PCDHGB5: variants seen among roughly 807,000 people sequenced by gnomAD.
PCDHGB5 encodes protocadherin gamma subfamily B, 5, also known as protocadherin gamma-B5.
PCDHGB5 carries 48 observed loss-of-function variants against 62.9 expected under a neutral mutation model. That is an observed-to-expected ratio of 0.76 (90% CI 0.61 to 0.97). The LOEUF is 0.97. PCDHGB5 is among the 50% of genes least tolerant of loss of function. PCDHGB5 has a pLI of 0.00. For missense variants in PCDHGB5, 1,118 were observed against 1,198.6 expected (o/e 0.93, Z 0.99); for synonymous variants, 474 against 511.2 (o/e 0.93, Z 0.98).
chr5:141,507,478 C>T (rs933478897), intron 3 of PCDHGB5, among the ~76,000 whole-genome samples: 5 of 152,158 alleles, frequency 3.3e-5, no homozygotes, highest in African/African-American at 1.2e-4. Flanking sequence ...GGACTGCTGG[C>T]CTCCTGAGGC....
At chr5:141,435,877 G>A (rs1554127514) in intron 1 of PCDHGB5, among the ~76,000 whole-genome samples, 1 of 152,092 alleles carries the variant, frequency 6.6e-6, no homozygotes, top group Non-Finnish European at 1.5e-5. Flanking sequence ...AAAAGAGATT[G>A]GAAACCCCTT....
intron 1 of PCDHGB5, among the ~76,000 whole-genome samples, chr5:141,447,285 A>G (rs143024915): frequency 0.046 from 7,013 of 152,060 alleles, 241 homozygotes; most frequent in African/African-American, 0.093. Context: ...GACTACAGGC[A>G]CATGCCACCA....
At chr5:141,483,082 C>T (rs2099576709) in intron 1 of PCDHGB5, among the ~76,000 whole-genome samples, 1 of 151,662 alleles carries the variant, frequency 6.6e-6, no homozygotes, top group African/African-American at 2.4e-5. Flanking sequence ...GAGACTCCAT[C>T]TCAAAAAAAA....
At chr5:141,422,963 C>T (rs372620011) in intron 1 of PCDHGB5, 43 of 1,614,120 alleles carry the variant, frequency 2.7e-5, no homozygotes, top group Middle Eastern at 1.6e-4. Context: ...GTGGAGCTGG[C>T]GCCCCGCTCT....
chr5:141,433,993 T>C (rs1367687577), intron 1 of PCDHGB5, among the ~76,000 whole-genome samples: 1 of 152,216 alleles, frequency 6.6e-6, no homozygotes, highest in Admixed American at 6.5e-5. Flanking sequence ...GAGTTTTATA[T>C]TCTCTATATA....
At chr5:141,413,234 T>C (rs2095618811) in intron 1 of PCDHGB5, 2 of 1,613,838 alleles carry the variant, frequency 1.2e-6, no homozygotes, top group Non-Finnish European at 1.7e-6. Context: ...CTGGTCCTGC[T>C]CTGCCTTTTC....
rs762588918 is a variant in PCDHGB5, at chr5:141,400,319, C to G, written c.2192C>G (p.Ser731Cys). Residue 731 changes from serine to cysteine, a missense_variant, in exon 1 of 4, where the codon TCT becomes TGT. Coordinates refer to ENST00000617380, the MANE Select transcript of PCDHGB5 (RefSeq NM_018925.3). Reference protein sequence around the residue: ...SCFQPGLCVKSGPVVPPNYSQ... With the variant: ...SCFQPGLCVKCGPVVPPNYSQ... Reference sequence around the variant, plus strand: ...TTCCAACCTGGTCTCTGTGTCAAGTCTGGACCTGTGGTTCCCCCCAACTAC... The same window carrying G: ...TTCCAACCTGGTCTCTGTGTCAAGTGTGGACCTGTGGTTCCCCCCAACTAC... The G allele has an allele frequency of 6.2e-7, 1 of 1,613,974 alleles. No individual in the cohort carries two copies. Among genetic ancestry groups the G allele is most frequent in the African/African-American group, 1.3e-5 (1 of 74,954 alleles).
At chr5:141,504,378 C>T (rs2099837786) in intron 2 of PCDHGB5, among the ~76,000 whole-genome samples, 1 of 152,052 alleles carries the variant, frequency 6.6e-6, no homozygotes, top group Non-Finnish European at 1.5e-5. Flanking sequence ...CAGGTGGAGT[C>T]GCTGCCTCAC....
At chr5:141,407,276 T>C (rs1393118660) in intron 1 of PCDHGB5, among the ~76,000 whole-genome samples, 2 of 152,292 alleles carry the variant, frequency 1.3e-5, no homozygotes, top group East Asian at 3.9e-4. Context: ...AACAAGAAAA[T>C]TGTTACAATT....
chr5:141,414,415 C>A (rs769791452), intron 1 of PCDHGB5: 1 of 1,613,876 alleles, frequency 6.2e-7, no homozygotes, highest in Admixed American at 1.7e-5. Context: ...ACACAGAGCC[C>A]TTGACAGGGA....
At chr5:141,415,177 G>A (rs758980730) in intron 1 of PCDHGB5, 26 of 1,613,808 alleles carry the variant, frequency 1.6e-5, no homozygotes, top group East Asian at 4.5e-5. Flanking sequence ...CACCGTGGCC[G>A]TGGCCGACAG....
intron 1 of PCDHGB5, among the ~76,000 whole-genome samples, chr5:141,456,206 T>C (rs966457070): frequency 6.6e-6 from 1 of 152,098 alleles, no homozygotes; most frequent in African/African-American, 2.4e-5. Context: ...ACCACATTCC[T>C]CCCTGTGGCG....
chr5:141,490,088 ACCACAC>A lies in PCDHGB5; in HGVS notation c.2398-4718_2398-4713del. On this transcript the variant is annotated intron_variant, in intron 1 of 3. Transcript: ENST00000617380. The surrounding 1 kb of genome is among the most constrained non-coding windows in gnomAD (Gnocchi z 5.4). The stretch of plus-strand genomic sequence containing the variant: ...GGCCAACTAGACTATTCTTTTGGAG[ACCACAC>A]ATCTGAGGCAGTGCGGAACCTCTTT... The A allele has an allele frequency of 6.2e-7, 1 of 1,614,190 alleles. No homozygotes were observed. Among genetic ancestry groups the A allele is most frequent in the Non-Finnish European group, 8.5e-7 (1 of 1,180,004 alleles).
At position 141,489,157 on chromosome 5, in the gene PCDHGB5, C is replaced by A. The variant is rs1222682069; in HGVS notation, c.2398-5650C>A. 1.0e-6 allele frequency: 1 copy of A among 984,444 alleles called. No homozygotes were observed. The highest frequency in any genetic ancestry group is 1.6e-5 in the African/African-American group (1 of 61,296). The allele number at this position is 984,444 out of a possible 1,614,324, so 61.0% of individuals were successfully genotyped here. On this transcript the variant is annotated intron_variant, in intron 1 of 3. Coordinates refer to ENST00000617380, the MANE Select transcript of PCDHGB5 (RefSeq NM_018925.3). This position sits in a 1 kb window ranked among gnomAD's most constrained non-coding sequence, Gnocchi z 4.5. ...AGAGGCTGGAAGGAGACATAAGAGA[C>A]TTCAGCTGCTGCATTCCAAGCCCTG...
At chr5:141,428,155 G>A (rs767716956) in intron 1 of PCDHGB5, 7 of 1,581,618 alleles carry the variant, frequency 4.4e-6, no homozygotes, top group East Asian at 2.2e-5. Flanking sequence ...ACGGGAACCT[G>A]CTGGTTGCTG....
intron 1 of PCDHGB5, chr5:141,422,115 T>G: frequency 6.2e-7 from 1 of 1,605,004 alleles, no homozygotes; most frequent in Non-Finnish European, 8.5e-7. Context: ...TCCAATTGGA[T>G]TCACAAACTG....
At chr5:141,465,945 AC>A (rs761290693) in intron 1 of PCDHGB5, among the ~76,000 whole-genome samples, 7 of 151,958 alleles carry the variant, frequency 4.6e-5, no homozygotes, top group Non-Finnish European at 5.9e-5. Context: ...ACATGGTGAA[AC>A]CCCATCTCTA....
chr5:141,508,799 C>T (rs962590711), intron 3 of PCDHGB5, among the ~76,000 whole-genome samples: 1 of 152,110 alleles, frequency 6.6e-6, no homozygotes, highest in Non-Finnish European at 1.5e-5. Context: ...ACTCTGGAAT[C>T]CTGGCTCTTT....
chr5:141,422,175 T>G (rs2096631593), intron 1 of PCDHGB5: 1 of 1,564,276 alleles, frequency 6.4e-7, no homozygotes, highest in Non-Finnish European at 8.6e-7. Context: ...ATAGATTCTA[T>G]GAGATGGAAA....
Sources: allele counts gnomAD v4.1 joint callset (sites outside exome capture counted in the v4.1 genomes callset), GRCh38; gene constraint gnomAD v4.1.1; non-coding constraint Gnocchi (gnomAD v3.1); transcripts MANE v1.5; gene names NCBI Gene and HGNC (gene_info 2026-07-23, HGNC 2026-07-21).